ZNF576: variants seen among roughly 807,000 people sequenced by gnomAD.
ZNF576 encodes zinc finger protein 576.
A neutral mutation model predicts 10.8 loss-of-function variants in ZNF576; 9 were observed. The observed-to-expected ratio is 0.84, with a 90% CI of 0.50 to 1.46. ZNF576 has a LOEUF of 1.46. Ranked by LOEUF, ZNF576 falls within the 40% of genes most tolerant of loss-of-function variation. The pLI, the probability that ZNF576 is intolerant of heterozygous loss-of-function variation, is 0.00. For synonymous variants in ZNF576, 88 were observed against 89.6 expected (o/e 0.98, Z 0.10); for missense variants, 191 against 233.7 (o/e 0.82, Z 1.19).
rs1272152934 is a variant in ZNF576, at chr19:43,598,969, C to T, written c.224C>T (p.Thr75Ile). The T allele has an allele frequency of 2.5e-6, 4 of 1,614,010 alleles. No homozygotes were observed. Among genetic ancestry groups the T allele is most frequent in the Non-Finnish European group, 2.5e-6 (3 of 1,179,988 alleles). The change falls in exon 3 of 3, where the codon ACC becomes ATC. Residue 75 changes from threonine to isoleucine, a missense_variant. Transcript: ENST00000336564. The part of the protein sequence containing the change: ...KLQGVLFICF[T>I]CARSFPSSKA... ...CAGGGGGTCCTCTTCATCTGCTTCACCTGCGCCCGCTCCTTCCCCTCCTCC... is the reference window on the plus strand; with the variant it reads ...CAGGGGGTCCTCTTCATCTGCTTCATCTGCGCCCGCTCCTTCCCCTCCTCC...
At chr19:43,597,037 C>G in intron 1 of ZNF576, 57 bp from the exon 2 acceptor site, 1 of 1,523,972 alleles carries the variant, frequency 6.6e-7, no homozygotes, top group Non-Finnish European at 9.1e-7. Flanking sequence ...TTAGGGTGCC[C>G]TCTAAGACTG....
In ZNF576 at chr19:43,597,135, C is replaced by T; in HGVS notation, c.27C>T (p.Asn9=). 6.2e-7 allele frequency: 1 copy of T among 1,614,114 alleles called. No homozygotes were observed. Among genetic ancestry groups the T allele is most frequent in the Middle Eastern group, 1.6e-4 (1 of 6,062 alleles). MEDPNPEE[N]MKQQDSPKER... ...TGGAGGACCCGAACCCTGAAGAGAA[C>T]ATGAAGCAGCAGGATTCACCCAAGG... is the stretch of plus-strand genomic sequence containing the variant. Residue 9 remains asparagine, a synonymous_variant, in exon 2 of 3, where the codon AAC becomes AAT. Transcript: ENST00000336564.
chr19:43,598,871 C>T lies in ZNF576; in HGVS notation c.126C>T (p.Thr42=), dbSNP rs1040904982. 6.3e-7 allele frequency: 1 copy of T among 1,591,488 alleles called. No homozygotes were observed. The change falls in exon 3 of 3, where the codon ACC becomes ACT. Residue 42 remains threonine (T), a synonymous_variant. Transcript: ENST00000336564. ...GAPKCTRCLI[T]FADSKFQERH... is the part of the protein sequence containing the mutation. ...CGAAGTGCACCCGCTGCCTCATCAC[C>T]TTCGCAGATTCCAAGTTCCAGGAGC...
Position 43,599,487 on chromosome 19 carries a change from G to T in ZNF576, c.*229G>T. The T allele has an allele frequency of 8.3e-6, 4 of 482,830 alleles. No individual in the cohort carries two copies. Among genetic ancestry groups the T allele is most frequent in the South Asian group, 3.6e-5 (1 of 27,992 alleles). The allele number at this position is 482,830 out of a possible 1,614,324, so 29.9% of individuals were successfully genotyped here. On this transcript the variant is annotated 3_prime_UTR_variant, in exon 3 of 3. Transcript: ENST00000336564. ...AAATCAGATAATAATGAGATCTTTTGTTAAAAAAAAAAAATGGGAAGGGAG... is the reference window on the plus strand; with the variant it reads ...AAATCAGATAATAATGAGATCTTTTTTTAAAAAAAAAAAATGGGAAGGGAG...
chr19:43,598,035 CA>C (rs1275529087), intron 2 of ZNF576, among the ~76,000 whole-genome samples: 2 of 152,280 alleles, frequency 1.3e-5, no homozygotes, highest in African/African-American at 4.8e-5. Context: ...TACCAGGAAG[CA>C]GGGGCAATTC....
chr19:43,599,619 A>T lies in ZNF576; in HGVS notation c.*361A>T, dbSNP rs771592362. The T allele has an allele frequency of 8.7e-5, 20 of 229,332 alleles. No individual in the cohort carries two copies. Among genetic ancestry groups the T allele is most frequent in the Non-Finnish European group, 1.5e-4 (17 of 116,632 alleles). The allele number at this position is 229,332 out of a possible 1,614,324, so 14.2% of individuals were successfully genotyped here. A position where few individuals can be genotyped will look rare whatever the true frequency, so the allele number is the denominator to read the frequency against. ...CCAGATGGATGCCATGGGCTATGGG[A>T]GCAAATTGCCCTGGACCTTTGCCTG... On this transcript the variant is annotated 3_prime_UTR_variant, in exon 3 of 3. Coordinates refer to ENST00000336564, the MANE Select transcript of ZNF576 (RefSeq NM_001145347.2).
intron 2 of ZNF576, 82 bp from the exon 3 acceptor site, chr19:43,598,749 T>A: frequency 1.8e-6 from 2 of 1,123,948 alleles, no homozygotes; most frequent in Admixed American, 4.6e-5. Flanking sequence ...TCAATGTTAA[T>A]TGTTGGTGTG....
In ZNF576 at chr19:43,597,162, G is replaced by A; in HGVS notation, c.54G>A (p.Glu18=). The A allele has an allele frequency of 6.2e-7, 1 of 1,614,168 alleles. No homozygotes were observed. Among genetic ancestry groups the A allele is most frequent in the Non-Finnish European group, 8.5e-7 (1 of 1,180,012 alleles). ...TGAAGCAGCAGGATTCACCCAAGGA[G>A]AGAAGTCCCCAGAGCCCAGGAGGCA... is the stretch of plus-strand genomic sequence containing the variant. ...ENMKQQDSPK[E]RSPQSPGGNI... is the part of the protein sequence containing the mutation. Residue 18 remains glutamate, a synonymous_variant, in exon 2 of 3, where the codon GAG becomes GAA. Transcript: ENST00000336564.
In ZNF576 at chr19:43,599,310, T is replaced by G. The variant is rs1973185466; in HGVS notation, c.*52T>G. ...CGGGTGGCTCTGTGGCTGGTAGGAC[T>G]CACCCATGATATGGGGTGCAGGAAC... On this transcript the variant is annotated 3_prime_UTR_variant, in exon 3 of 3. Transcript: ENST00000336564. 1 of 1,553,504 alleles carries G rather than the reference T, an allele frequency of 6.4e-7. No individual in the cohort carries two copies. Among genetic ancestry groups the G allele is most frequent in the Non-Finnish European group, 8.7e-7 (1 of 1,143,396 alleles).
At position 43,597,164 on chromosome 19, in the gene ZNF576, G is replaced by A. The variant is rs202021066; in HGVS notation, c.56G>A (p.Arg19Lys). 7.7e-5 allele frequency: 124 copies of A among 1,614,148 alleles called. No homozygotes were observed. The highest frequency in any genetic ancestry group is 2.7e-5 in the African/African-American group (2 of 75,050). The change falls in exon 2 of 3, where the codon AGA becomes AAA. Residue 19 changes from arginine (R) to lysine (K), a missense_variant. Transcript: ENST00000336564. ...NMKQQDSPKE[R>K]SPQSPGGNIC... Reference sequence around the variant, plus strand: ...AAGCAGCAGGATTCACCCAAGGAGAGAAGTCCCCAGAGCCCAGGAGGCAAC... The same window carrying A: ...AAGCAGCAGGATTCACCCAAGGAGAAAAGTCCCCAGAGCCCAGGAGGCAAC...
chr19:43,599,045 C>A lies in ZNF576; in HGVS notation c.300C>A (p.Thr100=). The A allele has an allele frequency of 1.2e-6, 2 of 1,614,226 alleles. No individual in the cohort carries two copies. Among genetic ancestry groups the A allele is most frequent in the Non-Finnish European group, 1.7e-6 (2 of 1,180,044 alleles). ...QRSHGPAAKP[T]LPVATTTAQP... is the part of the protein sequence containing the mutation. ...GCCACGGTCCAGCCGCCAAGCCCAC[C>A]CTGCCGGTTGCAACCACTACTGCCC... Residue 100 remains threonine, a synonymous_variant, in exon 3 of 3, where the codon ACC becomes ACA. Coordinates refer to ENST00000336564, the MANE Select transcript of ZNF576 (RefSeq NM_001145347.2).
intron 2 of ZNF576, among the ~76,000 whole-genome samples, chr19:43,598,612 G>A (rs978155679): frequency 6.6e-6 from 1 of 152,100 alleles, no homozygotes; most frequent in East Asian, 1.9e-4. Flanking sequence ...TCCTTTCCTA[G>A]CCTCATGACT....
At chr19:43,597,934 T>TA (rs1427401745) in intron 2 of ZNF576, among the ~76,000 whole-genome samples, 1 of 152,122 alleles carries the variant, frequency 6.6e-6, no homozygotes, top group Non-Finnish European at 1.5e-5. Flanking sequence ...GGTGTCTCAC[T>TA]AAGAATGGTA....
chr19:43,597,226 G>GT, intron 2 of ZNF576, 33 bp downstream of exon 2: 2 of 1,594,824 alleles, frequency 1.3e-6, no homozygotes, highest in East Asian at 4.5e-5. Context: ...CTAGAGGAGG[G>GT]TGGGGTGCAG....
rs756973541 is a variant in ZNF576 at position 43,598,959 on chromosome 19, A to C, written c.214A>C (p.Ile72Leu). ...CCAGAAGCTGCAGGGGGTCCTCTTC[A>C]TCTGCTTCACCTGCGCCCGCTCCTT... ...VAQKLQGVLF[I>L]CFTCARSFPS... The change falls in exon 3 of 3, where the codon ATC becomes CTC. Residue 72 changes from isoleucine (I) to leucine (L), a missense_variant. By Grantham distance (5) the Ile-to-Leu change is conservative. Coordinates refer to ENST00000336564, the MANE Select transcript of ZNF576 (RefSeq NM_001145347.2). 1 of 1,614,020 alleles carries C rather than the reference A, an allele frequency of 6.2e-7. No homozygotes were observed. Among genetic ancestry groups the C allele is most frequent in the Non-Finnish European group, 8.5e-7 (1 of 1,179,954 alleles).
chr19:43,598,975 C>T lies in ZNF576; in HGVS notation c.230C>T (p.Ala77Val). The change falls in exon 3 of 3, where the codon GCC becomes GTC. Residue 77 changes from alanine (A) to valine (V), a missense_variant. Coordinates refer to ENST00000336564, the MANE Select transcript of ZNF576 (RefSeq NM_001145347.2). ...GTCCTCTTCATCTGCTTCACCTGCG[C>T]CCGCTCCTTCCCCTCCTCCAAAGCC... ...QGVLFICFTC[A>V]RSFPSSKALI... The T allele has an allele frequency of 6.2e-7, 1 of 1,614,158 alleles. No individual in the cohort carries two copies. Among genetic ancestry groups the T allele is most frequent in the Non-Finnish European group, 8.5e-7 (1 of 1,180,006 alleles).
At chr19:43,597,025 A>C in intron 1 of ZNF576, 69 bp from the exon 2 acceptor site, 1 of 1,359,686 alleles carries the variant, frequency 7.4e-7, no homozygotes, top group South Asian at 1.2e-5. Context: ...AAGGTCATAG[A>C]CTTAGGGTGC....
chr19:43,597,910 TGGG>T (rs145322823), intron 2 of ZNF576, among the ~76,000 whole-genome samples: 3,446 of 151,980 alleles, frequency 0.023, 144 homozygotes, highest in African/African-American at 0.079. Flanking sequence ...ACACAGACCA[TGGG>T]GGGACTGTGG....
Position 43,597,398 on chromosome 19 carries a change from A to G in ZNF576, c.85+205A>G, listed in dbSNP as rs1244931423. The G allele has an allele frequency of 5.5e-6, 3 of 544,958 alleles. No homozygotes were observed. The African/African-American group carries it at 5.7e-5, about 10-fold the overall frequency. The allele number at this position is 544,958 out of a possible 1,614,324, so 33.8% of individuals were successfully genotyped here. On this transcript the variant is annotated intron_variant, in intron 2 of 2. Coordinates refer to ENST00000336564, the MANE Select transcript of ZNF576 (RefSeq NM_001145347.2). ...GTACTCACCCTCCTCTGGCCACATA[A>G]GCAGGATTGCAATGCTTATGCATTC...
Sources: allele counts gnomAD v4.1 joint callset (sites outside exome capture counted in the v4.1 genomes callset), GRCh38; gene constraint gnomAD v4.1.1; transcripts MANE v1.5; gene names NCBI Gene and HGNC (gene_info 2026-07-23, HGNC 2026-07-21).